Variants in GRXCR1 observed in about 807,000 individuals in gnomAD.
The protein encoded by GRXCR1 is glutaredoxin and cysteine rich domain containing 1.
In GRXCR1, 27 loss-of-function variants were observed where a neutral mutation model predicts 27.3. That is an observed-to-expected ratio of 0.99 (90% CI 0.73 to 1.37). The LOEUF (loss-of-function observed/expected upper bound fraction) is 1.37, where lower values mean the gene tolerates loss of function less well. Among genes scored for constraint, GRXCR1 ranks in the 40% most tolerant of loss-of-function variants. GRXCR1 has a pLI of 0.00. For synonymous variants in GRXCR1, 122 were observed against 131.1 expected, an observed-to-expected ratio of 0.93 and a Z score of 0.47; for missense variants, 379 against 354.4, an observed-to-expected ratio of 1.07 and a Z score of -0.56.
rs1381472720 is a variant in GRXCR1 at position 43,028,111 on chromosome 4, C to CAA, written c.694-2238_694-2237dup. Among the ~76,000 whole-genome samples the CAA allele has an allele frequency of 2.3e-3, 281 of 120,782 alleles. 1 individual carries two copies. Among genetic ancestry groups the CAA allele is most frequent in the African/African-American group, 8.0e-3 (265 of 32,950 alleles). 79.2% of individuals were successfully genotyped at this position (120,782 alleles called of 152,430 possible). A position where few individuals can be genotyped will look rare whatever the true frequency, so the allele number is the denominator to read the frequency against. ...TGGGTAACAGAGTGAGACTCCGTCT[C>CAA]AAAAAAAAAAAAAGAGATGTTGAAA... On this transcript the variant is annotated intron_variant, in intron 3 of 3. Transcript: ENST00000399770.
At chr4:42,981,151 GTA>G (rs1349261412) in intron 2 of GRXCR1, among the ~76,000 whole-genome samples, 6 of 116,792 alleles carry the variant, frequency 5.1e-5, no homozygotes, top group African/African-American at 1.6e-4. Flanking sequence ...TTCTGTAGTG[GTA>G]TTTTTTTTTT....
At chr4:42,949,621 T>A (rs1217059885) in intron 1 of GRXCR1, among the ~76,000 whole-genome samples, 1 of 152,138 alleles carries the variant, frequency 6.6e-6, no homozygotes, top group Non-Finnish European at 1.5e-5. Flanking sequence ...GTACCTACCT[T>A]ACTTATAGAG....
At chr4:43,021,722 T>C (rs1378212238) in intron 3 of GRXCR1, among the ~76,000 whole-genome samples, 1 of 152,200 alleles carries the variant, frequency 6.6e-6, no homozygotes, top group Non-Finnish European at 1.5e-5. Context: ...ATATAGTGCT[T>C]ATACGGGAGG....
In GRXCR1 at chr4:42,893,668, C is replaced by T. The variant is rs753395939; in HGVS notation, c.384+18C>T. ...TATTACAGGTAAGTCATTGCTGTTT[C>T]CTTCTCCTGCTCTTTGTTCCTAACT... On this transcript the variant is annotated intron_variant, in intron 1 of 3. Transcript: ENST00000399770. 44 of 1,608,676 alleles carry T rather than the reference C, an allele frequency of 2.7e-5. No homozygotes were observed. Among genetic ancestry groups the T allele is most frequent in the Middle Eastern group, 1.6e-4 (1 of 6,070 alleles).
At chr4:43,011,582 C>CTTTTA (rs200329092) in intron 2 of GRXCR1, among the ~76,000 whole-genome samples, 2,740 of 152,220 alleles carry the variant, frequency 0.018, 36 homozygotes, top group Middle Eastern at 0.037. Context: ...CTTGTTCACA[C>CTTTTA]TTCTATTGTG....
In GRXCR1 at chr4:42,960,644, T is replaced by C. The variant is rs958568252; in HGVS notation, c.385-2248T>C. On this transcript the variant is annotated intron_variant, in intron 1 of 3. Transcript: ENST00000399770. ...TGTGTCACAAGTCCTACACTTGTGT[T>C]TTTTTTTCACATTTTCTCTTACTTA... Among the ~76,000 whole-genome samples, 3 of 151,770 alleles carry C rather than the reference T, an allele frequency of 2.0e-5. No homozygotes were observed. In the South Asian group the frequency reaches 6.2e-4, roughly 32 times the overall value.
At chr4:42,908,535 A>G (rs1243300802) in intron 1 of GRXCR1, among the ~76,000 whole-genome samples, 2 of 152,030 alleles carry the variant, frequency 1.3e-5, no homozygotes, top group Non-Finnish European at 2.9e-5. Flanking sequence ...TAAGCTTCAT[A>G]TTTTCTTGTA....
rs946293048 is a variant in GRXCR1, at chr4:42,990,799, T to C, written c.627+27665T>C. Among the ~76,000 whole-genome samples, 33 of 152,246 alleles carry C rather than the reference T, an allele frequency of 2.2e-4. No homozygotes were observed. In the East Asian group the frequency reaches 4.6e-3, roughly 21 times the overall value. On this transcript the variant is annotated intron_variant, in intron 2 of 3. Coordinates refer to ENST00000399770, the MANE Select transcript of GRXCR1 (RefSeq NM_001080476.3). ...ATAATTTTTGTAAAATGTTCATGGC[T>C]CTTTGGAAAGAATATGTAGTCTCCT...
chr4:42,906,825 A>G (rs1264500579), intron 1 of GRXCR1, among the ~76,000 whole-genome samples: 1 of 152,216 alleles, frequency 6.6e-6, no homozygotes. Context: ...TGTATTTTAC[A>G]TGAGATAAAC....
chr4:42,930,731 G>A (rs900029160), intron 1 of GRXCR1, among the ~76,000 whole-genome samples: 2 of 151,892 alleles, frequency 1.3e-5, no homozygotes, highest in African/African-American at 4.8e-5. Context: ...TTTGAGCCTT[G>A]GATTCCTCAG....
intron 2 of GRXCR1, among the ~76,000 whole-genome samples, chr4:42,978,984 A>C (rs1748587639): frequency 6.6e-6 from 1 of 151,952 alleles, no homozygotes; most frequent in African/African-American, 2.4e-5. Flanking sequence ...TTGCCTTGTG[A>C]AGAAGGTGCC....
chr4:42,943,824 G>T (rs956039166), intron 1 of GRXCR1, among the ~76,000 whole-genome samples: 1 of 151,768 alleles, frequency 6.6e-6, no homozygotes, highest in Admixed American at 6.6e-5. Context: ...AGACATTTTT[G>T]GTTTTTACAT....
At chr4:42,942,041 A>G (rs1242596262) in intron 1 of GRXCR1, among the ~76,000 whole-genome samples, 1 of 152,110 alleles carries the variant, frequency 6.6e-6, no homozygotes, top group Non-Finnish European at 1.5e-5. Context: ...TTCAATTCAC[A>G]GCTTGTTCTT....
intron 2 of GRXCR1, among the ~76,000 whole-genome samples, chr4:43,002,893 T>C (rs1209190578): frequency 1.3e-5 from 2 of 152,162 alleles, no homozygotes; most frequent in African/African-American, 4.8e-5. Context: ...TCATGACAAA[T>C]TGTAATCCCC....
chr4:42,893,830 G>T, intron 1 of GRXCR1, among the ~76,000 whole-genome samples, 180 bp downstream of exon 1: 1 of 152,108 alleles, frequency 6.6e-6, no homozygotes, highest in East Asian at 1.9e-4. Flanking sequence ...CATTGTGCTT[G>T]GGAAAATAGA....
At chr4:42,969,763 T>A (rs1748340835) in intron 2 of GRXCR1, among the ~76,000 whole-genome samples, 1 of 152,034 alleles carries the variant, frequency 6.6e-6, no homozygotes, top group Non-Finnish European at 1.5e-5. Flanking sequence ...TATCATTACA[T>A]CCCTGGACTC....
At chr4:42,942,326 G>C (rs181964131) in intron 1 of GRXCR1, among the ~76,000 whole-genome samples, 1 of 152,014 alleles carries the variant, frequency 6.6e-6, no homozygotes, top group East Asian at 1.9e-4. Context: ...TTTTAAATAA[G>C]ATTTCACTCT....
chr4:43,018,988 A>G (rs1713016172), intron 2 of GRXCR1, among the ~76,000 whole-genome samples: 1 of 152,144 alleles, frequency 6.6e-6, no homozygotes, highest in African/African-American at 2.4e-5. Context: ...TTTTGAATGT[A>G]TCAGTTTGAC....
intron 1 of GRXCR1, among the ~76,000 whole-genome samples, chr4:42,899,334 T>C (rs1746415810): frequency 6.6e-6 from 1 of 152,152 alleles, no homozygotes; most frequent in Admixed American, 6.6e-5. Flanking sequence ...TGTTAGATAA[T>C]GTGAGGACTA....
Sources: gnomAD v4.1 joint callset for allele counts (sites outside exome capture counted in the v4.1 genomes callset) on GRCh38, gnomAD v4.1.1 for gene constraint, MANE v1.5 for transcripts, NCBI Gene and HGNC (gene_info 2026-07-23, HGNC 2026-07-21) for gene names.